SGCZ: variants seen among roughly 807,000 people sequenced by gnomAD.
The protein encoded by SGCZ is zeta-sarcoglycan.
A neutral mutation model predicts 41.3 loss-of-function variants in SGCZ; 40 were observed. That is an observed-to-expected ratio of 0.97 (90% CI 0.75 to 1.26). The LOEUF (loss-of-function observed/expected upper bound fraction) is 1.26, where lower values mean the gene tolerates loss of function less well. Among genes scored for constraint, SGCZ ranks in the 50% most tolerant of loss-of-function variants. SGCZ has a pLI of 0.00. For missense variants in SGCZ, 552 were observed against 369.8 expected, an observed-to-expected ratio of 1.49 and a Z score of -4.04; for synonymous variants, 206 against 137.5, an observed-to-expected ratio of 1.50 and a Z score of -3.49.
intron 2 of SGCZ, among the ~76,000 whole-genome samples, chr8:14,383,098 T>C (rs1040210501): frequency 6.6e-6 from 1 of 152,180 alleles, no homozygotes; most frequent in African/African-American, 2.4e-5. Flanking sequence ...ATGGCATCTG[T>C]TGGGTCTGGC....
intron 1 of SGCZ, among the ~76,000 whole-genome samples, chr8:14,803,413 C>T (rs1192165376): frequency 2.0e-5 from 3 of 152,042 alleles, no homozygotes; most frequent in Non-Finnish European, 2.9e-5. Flanking sequence ...TTGCCTCACT[C>T]GGGAATCGCA....
At chr8:14,612,142 A>T (rs8180890) in intron 1 of SGCZ, among the ~76,000 whole-genome samples, 51,889 of 151,976 alleles carry the variant, frequency 0.34, 9,119 homozygotes, top group East Asian at 0.62. Context: ...TTTTCCTATT[A>T]TGGGAAAAGG....
At chr8:14,883,278 G>A (rs1007560031) in intron 1 of SGCZ, among the ~76,000 whole-genome samples, 1 of 150,676 alleles carries the variant, frequency 6.6e-6, no homozygotes, top group Non-Finnish European at 1.5e-5. Context: ...AGAACCAGAA[G>A]GAACTTTCTC....
chr8:14,260,333 A>G (rs559505947), intron 3 of SGCZ, among the ~76,000 whole-genome samples: 64 of 150,910 alleles, frequency 4.2e-4, no homozygotes, highest in Non-Finnish European at 6.2e-4. Context: ...GCAGCCAAAA[A>G]ACACATGAAA....
rs1554513924 is a variant in SGCZ, at chr8:14,408,984, T to TGCATGTGTGC, written c.235-84781_235-84780insGCACACATGC. ...GTGTGTGTGTGTGCATGTGTGCGTG[T>TGCATGTGTGC]GTGTGTGTGTGTATTTTGTTTTTGG... On this transcript the variant is annotated intron_variant, in intron 2 of 7. Transcript: ENST00000382080. 6.9e-4 allele frequency among the ~76,000 whole-genome samples: 104 copies of TGCATGTGTGC among 151,310 alleles called. 1 individual carries two copies. The Middle Eastern group carries it at 0.01, about 15-fold the overall frequency.
intron 1 of SGCZ, chr8:14,853,518 C>A (rs201568322): frequency 1.9e-6 from 1 of 529,988 alleles, no homozygotes; most frequent in Non-Finnish European, 3.9e-6. Flanking sequence ...GAGCAGGTGA[C>A]GGGGAGATTC....
chr8:15,148,190 CAT>C (rs34655464), intron 1 of SGCZ, among the ~76,000 whole-genome samples: 3,176 of 152,276 alleles, frequency 0.021, 91 homozygotes, highest in African/African-American at 0.073. Context: ...AAAATAGACA[CAT>C]TGATGCCTTT....
chr8:15,164,639 G>GTTT (rs71211011), intron 1 of SGCZ, among the ~76,000 whole-genome samples: 17,452 of 140,658 alleles, frequency 0.12, 1,218 homozygotes, highest in African/African-American at 0.17. Flanking sequence ...TTTTAAGCAA[G>GTTT]TTTTTTTTTT....
Position 15,157,330 on chromosome 8 carries a change from C to T in SGCZ, c.39+80255G>A, listed in dbSNP as rs563678475. 1.1e-4 allele frequency among the ~76,000 whole-genome samples: 17 copies of T among 152,030 alleles called. No individual in the cohort carries two copies. In the South Asian group the frequency reaches 2.3e-3, roughly 20 times the overall value. Reference sequence around the variant, plus strand: ...GGAGGAACACTTGACCCCAGGAGCCCAGGAGTGAGCTCACACCACTGCACA... The same window carrying T: ...GGAGGAACACTTGACCCCAGGAGCCTAGGAGTGAGCTCACACCACTGCACA... On this transcript the variant is annotated intron_variant, in intron 1 of 7. Coordinates refer to ENST00000382080, the MANE Select transcript of SGCZ (RefSeq NM_139167.4).
At position 14,650,754 on chromosome 8, in the gene SGCZ, GC is replaced by G. The variant is rs1340497632; in HGVS notation, c.40-95829del. Among the ~76,000 whole-genome samples the G allele has an allele frequency of 2.0e-5, 3 of 152,020 alleles. No individual in the cohort carries two copies. In the East Asian group the frequency reaches 5.8e-4, roughly 29 times the overall value. ...CAAGGAGGAAAGCAATGCAAAGAAA[GC>G]TGTTTGTGGTTTGACCCCTACCTAC... is the stretch of plus-strand genomic sequence containing the variant. On this transcript the variant is annotated intron_variant, in intron 1 of 7. Transcript: ENST00000382080.
chr8:14,374,379 A>G (rs1010422635), intron 2 of SGCZ, among the ~76,000 whole-genome samples: 2 of 152,190 alleles, frequency 1.3e-5, no homozygotes, highest in African/African-American at 2.4e-5. Flanking sequence ...GTACATAGGT[A>G]GATAGTTTTT....
intron 1 of SGCZ, among the ~76,000 whole-genome samples, chr8:14,889,868 G>C (rs1804945387): frequency 2.0e-5 from 3 of 151,994 alleles, no homozygotes; most frequent in Admixed American, 2.0e-4. Context: ...TGGCCTCTAA[G>C]TGAAAGGAAG....
intron 1 of SGCZ, among the ~76,000 whole-genome samples, chr8:14,935,789 G>C (rs1800063276): frequency 6.6e-6 from 1 of 151,504 alleles, no homozygotes; most frequent in Non-Finnish European, 1.5e-5. Context: ...ATAAAACAAA[G>C]GCTATTAAGA....
At chr8:14,670,659 G>T (rs1264744612) in intron 1 of SGCZ, among the ~76,000 whole-genome samples, 7 of 152,062 alleles carry the variant, frequency 4.6e-5, no homozygotes, top group Admixed American at 3.9e-4. Context: ...ATAATATTAA[G>T]AACACCAACA....
intron 1 of SGCZ, among the ~76,000 whole-genome samples, chr8:14,847,123 AAGAAAGAAGAAG>A (rs1332838157): frequency 5.8e-5 from 6 of 103,390 alleles, no homozygotes; most frequent in South Asian, 3.3e-4. Flanking sequence ...GAAGAAGAAG[AAGAAAGAAGAAG>A]AAGAAGAAGA....
intron 2 of SGCZ, among the ~76,000 whole-genome samples, chr8:14,469,771 A>G (rs953260657): frequency 3.3e-5 from 5 of 152,096 alleles, no homozygotes; most frequent in Non-Finnish European, 5.9e-5. Flanking sequence ...TGTCTACATA[A>G]TAAAGCCCTT....
chr8:14,526,330 G>A (rs935780770), intron 2 of SGCZ, among the ~76,000 whole-genome samples: 3 of 151,972 alleles, frequency 2.0e-5, no homozygotes, highest in Non-Finnish European at 2.9e-5. Context: ...TTTCACTATC[G>A]ATGTGGCAAT....
In SGCZ at chr8:14,126,334, T is replaced by C. The variant is rs188284973; in HGVS notation, c.548-18099A>G. ...ATGGGCAAAGGACATGAACAGACAC[T>C]TCTCAAAAGAAGACATTTATTCAGC... is the stretch of plus-strand genomic sequence containing the variant. On this transcript the variant is annotated intron_variant, in intron 5 of 7. Coordinates refer to ENST00000382080, the MANE Select transcript of SGCZ (RefSeq NM_139167.4). Among the ~76,000 whole-genome samples, 692 of 152,272 alleles carry C rather than the reference T, an allele frequency of 4.5e-3. 4 individuals carry two copies. The highest frequency in any genetic ancestry group is 6.6e-3 in the Admixed American group (101 of 15,296).
chr8:14,362,556 C>T (rs1803563773), intron 2 of SGCZ, among the ~76,000 whole-genome samples: 1 of 152,178 alleles, frequency 6.6e-6, no homozygotes, highest in African/African-American at 2.4e-5. Context: ...GGGAAAAGCG[C>T]AGTATGTAGG....
Sources: allele counts gnomAD v4.1 joint callset (sites outside exome capture counted in the v4.1 genomes callset), GRCh38; gene constraint gnomAD v4.1.1; transcripts MANE v1.5; gene names NCBI Gene and HGNC (gene_info 2026-07-23, HGNC 2026-07-21).